Variants in PPIL2 observed in about 807,000 individuals in gnomAD.
PPIL2 encodes the protein RING-type E3 ubiquitin-protein ligase PPIL2.
PPIL2 carries 50 observed loss-of-function variants against 75.2 expected under a neutral mutation model. The observed-to-expected ratio is 0.66, with a 90% CI of 0.53 to 0.84. The LOEUF (loss-of-function observed/expected upper bound fraction) is 0.84. PPIL2 is among the 40% of genes least tolerant of loss of function. PPIL2 has a pLI of 0.00. For missense variants in PPIL2, 590 were observed against 685.0 expected, an observed-to-expected ratio of 0.86 and a Z score of 1.55; for synonymous variants, 245 against 258.8, an observed-to-expected ratio of 0.95 and a Z score of 0.51.
At chr22:21,669,146 G>A (rs993094339) in intron 1 of PPIL2, among the ~76,000 whole-genome samples, 18 of 151,852 alleles carry the variant, frequency 1.2e-4, no homozygotes, top group African/African-American at 4.3e-4. Context: ...ACCTTGCCCG[G>A]CCGGTTTTTT....
intron 9 of PPIL2, among the ~76,000 whole-genome samples, chr22:21,683,810 T>C (rs1381816056): frequency 6.6e-6 from 1 of 152,190 alleles, no homozygotes; most frequent in Non-Finnish European, 1.5e-5. Context: ...CAAGGCCCAG[T>C]AGGCAGCAGG....
chr22:21,676,774 G>A (rs2066879649), intron 6 of PPIL2, among the ~76,000 whole-genome samples: 1 of 152,194 alleles, frequency 6.6e-6, no homozygotes, highest in Non-Finnish European at 1.5e-5. Context: ...CACAGACACA[G>A]CAACAATCTG....
In PPIL2 at chr22:21,695,511, A is replaced by T; in HGVS notation, c.*21A>T. 1 of 1,578,730 alleles carries T rather than the reference A, an allele frequency of 6.3e-7. No homozygotes were observed. Among genetic ancestry groups the T allele is most frequent in the Admixed American group, 1.8e-5 (1 of 54,688 alleles). Reference sequence around the variant, plus strand: ...GGTAGCAGCAGGTTGGCCGCTGTGGACCTTGGTGGGGTTGCAGGGCTGGGG... The same window carrying T: ...GGTAGCAGCAGGTTGGCCGCTGTGGTCCTTGGTGGGGTTGCAGGGCTGGGG... On this transcript the variant is annotated 3_prime_UTR_variant, in exon 20 of 20. Transcript: ENST00000398831.
At chr22:21,686,437 T>C (rs777058714) in intron 10 of PPIL2, 46 bp from the exon 11 acceptor site, 1 of 1,571,878 alleles carries the variant, frequency 6.4e-7, no homozygotes, top group East Asian at 2.2e-5. Context: ...CCCACCCAAC[T>C]GCCTCCCATG....
At position 21,696,182 on chromosome 22, in the gene PPIL2, G is replaced by A. The variant is rs557587925; in HGVS notation, c.*692G>A. The stretch of plus-strand genomic sequence containing the variant: ...ACTTCAGGGGCTTCTGAAGGCTGGT[G>A]TTGGACGGCAGCATTGAGTTTCCTG... On this transcript the variant is annotated 3_prime_UTR_variant, in exon 20 of 20. Transcript: ENST00000398831. The A allele has an allele frequency of 1.1e-3, 1,077 of 1,001,652 alleles. 1 individual carries two copies. Among genetic ancestry groups the A allele is most frequent in the Middle Eastern group, 1.5e-3 (3 of 1,942 alleles). 62.0% of individuals were successfully genotyped at this position (1,001,652 alleles called of 1,614,324 possible). A position where few individuals can be genotyped will look rare whatever the true frequency, so the allele number is the denominator to read the frequency against.
At chr22:21,687,606 C>A in intron 12 of PPIL2, 37 bp from the exon 13 acceptor site, 2 of 1,329,214 alleles carry the variant, frequency 1.5e-6, no homozygotes, top group Non-Finnish European at 2.1e-6. Flanking sequence ...CCTTTGGCAG[C>A]TCTCTGCTTC....
chr22:21,683,056 T>TC lies in PPIL2; in HGVS notation c.478-121dup, dbSNP rs1229595534. 8.5e-6 allele frequency: 7 copies of TC among 820,210 alleles called. No homozygotes were observed. The Admixed American group carries it at 1.1e-4, about 13-fold the overall frequency. 50.8% of individuals were successfully genotyped at this position (820,210 alleles called of 1,614,324 possible). On this transcript the variant is annotated intron_variant, in intron 8 of 19. Coordinates refer to ENST00000398831, the MANE Select transcript of PPIL2 (RefSeq NM_014337.4). Reference sequence around the variant, plus strand: ...CCTCCTCCCTCATGCCCTGCTTGACTCCCCCAACCTCAGTGTAGCCCTGGC... The same window carrying TC: ...CCTCCTCCCTCATGCCCTGCTTGACTCCCCCCAACCTCAGTGTAGCCCTGGC...
At chr22:21,699,151 C>A (rs955543149), downstream of PPIL2, 1 of 152,426 alleles carries the variant, frequency 6.6e-6, no homozygotes, top group South Asian at 2.1e-4. Context: ...CTGCCTGGAC[C>A]GCAGGTCTGG....
intron 13 of PPIL2, 57 bp downstream of exon 13, chr22:21,687,789 G>A: frequency 6.5e-7 from 1 of 1,543,052 alleles, no homozygotes; most frequent in Non-Finnish European, 8.9e-7. Flanking sequence ...TCGGGGGCTG[G>A]GTGGGCTTGT....
rs185986272 is a variant in PPIL2, at chr22:21,689,399, G to A, written c.1139+550G>A. Among the ~76,000 whole-genome samples, 469 of 152,290 alleles carry A rather than the reference G, an allele frequency of 3.1e-3. 2 individuals carry two copies. Among genetic ancestry groups the A allele is most frequent in the African/African-American group, 0.011 (450 of 41,568 alleles). The stretch of plus-strand genomic sequence containing the variant: ...GATGTTATGTTTCAGTCTTTCAATC[G>A]TTTTCTTCACATGGGTCCTGTGACT... On this transcript the variant is annotated intron_variant, in intron 15 of 19. Coordinates refer to ENST00000398831, the MANE Select transcript of PPIL2 (RefSeq NM_014337.4).
chr22:21,678,029 C>T (rs147663402), intron 6 of PPIL2, among the ~76,000 whole-genome samples: 88 of 152,226 alleles, frequency 5.8e-4, no homozygotes, highest in African/African-American at 2.0e-3. Flanking sequence ...TCCAATGTGG[C>T]TGGAACAGCG....
chr22:21,695,357 G>A (rs1037833991), intron 19 of PPIL2, 37 bp from the exon 20 acceptor site: 2 of 1,567,388 alleles, frequency 1.3e-6, no homozygotes, highest in Non-Finnish European at 1.7e-6. Flanking sequence ...GGGGCTGAGG[G>A]AGGGTGTGGG....
chr22:21,681,509 C>A, intron 7 of PPIL2, 119 bp downstream of exon 7: 3 of 850,642 alleles, frequency 3.5e-6, no homozygotes, highest in South Asian at 3.2e-5. Context: ...GGTTTACAGT[C>A]ACAGCCACAG....
chr22:21,688,913 C>A, intron 15 of PPIL2, 64 bp downstream of exon 15: 1 of 1,424,968 alleles, frequency 7.0e-7, no homozygotes, highest in Non-Finnish European at 9.9e-7. Flanking sequence ...CGGGTTCTTC[C>A]TCTTGGCCCT....
At chr22:21,666,673 G>T (rs1330427407) in intron 1 of PPIL2, among the ~76,000 whole-genome samples, 1 of 152,084 alleles carries the variant, frequency 6.6e-6, no homozygotes, top group Non-Finnish European at 1.5e-5. Context: ...GCGGGGCGTG[G>T]TGACGGGCGC....
chr22:21,666,698 A>G (rs1025364711), intron 1 of PPIL2, among the ~76,000 whole-genome samples: 7 of 151,990 alleles, frequency 4.6e-5, no homozygotes, highest in Non-Finnish European at 8.8e-5. Flanking sequence ...AATCCTAGCT[A>G]TTTGGGAGGC....
At position 21,695,448 on chromosome 22, in the gene PPIL2, G is replaced by A; in HGVS notation, c.1521G>A (p.Lys507=). ...CCAGTGCCACTGTCCCCATGTCCAA[G>A]AAGAAGCCCAGTCGGGGTTTTGGGG... ...PSTSATVPMS[K]KKPSRGFGDF... The change falls in exon 20 of 20, where the codon AAG becomes AAA. Residue 507 remains lysine, a synonymous_variant. Coordinates refer to ENST00000398831, the MANE Select transcript of PPIL2 (RefSeq NM_014337.4). The A allele has an allele frequency of 6.2e-7, 1 of 1,609,998 alleles. No homozygotes were observed. The highest frequency in any genetic ancestry group is 8.5e-7 in the Non-Finnish European group (1 of 1,178,128).
At chr22:21,698,277 T>C (rs1428973999), downstream of PPIL2, 2 of 114,426 alleles carry the variant, frequency 1.7e-5, no homozygotes, top group Non-Finnish European at 3.9e-5. Context: ...AAAAAAAAAA[T>C]ACAAAAGTCA....
rs1024255124 is a variant in PPIL2 at position 21,671,135 on chromosome 22, C to T, written c.191+76C>T. 9 of 1,429,268 alleles carry T rather than the reference C, an allele frequency of 6.3e-6. No individual in the cohort carries two copies. In the African/African-American group the frequency reaches 7.1e-5, roughly 11 times the overall value. The allele number at this position is 1,429,268 out of a possible 1,614,324, so 88.5% of individuals were successfully genotyped here. A position where few individuals can be genotyped will look rare whatever the true frequency, so the allele number is the denominator to read the frequency against. ...CATTAAGGAAGGGGACCCTTGGTAC[C>T]CTTGGGTAGGGCTCTTGGGCACACA... On this transcript the variant is annotated intron_variant, in intron 4 of 19. Coordinates refer to ENST00000398831, the MANE Select transcript of PPIL2 (RefSeq NM_014337.4).
Sources: allele counts gnomAD v4.1 joint callset (sites outside exome capture counted in the v4.1 genomes callset), GRCh38; gene constraint gnomAD v4.1.1; transcripts MANE v1.5; gene names NCBI Gene and HGNC (gene_info 2026-07-23, HGNC 2026-07-21).